YPEL1: variants seen among roughly 807,000 people sequenced by gnomAD.
The protein encoded by YPEL1 is protein yippee-like 1.
A neutral mutation model predicts 17.3 loss-of-function variants in YPEL1; 7 were observed. That is an observed-to-expected ratio of 0.40 (90% CI 0.23 to 0.76). The LOEUF is 0.76. Ranked by LOEUF, YPEL1 falls within the 30% of genes least tolerant of loss-of-function variation. YPEL1 has a pLI of 0.35. For synonymous variants in YPEL1, 59 were observed against 59.6 expected, an observed-to-expected ratio of 0.99 and a Z score of 0.05; for missense variants, 91 against 155.5, an observed-to-expected ratio of 0.59 and a Z score of 2.21.
chr22:21,710,997 A>C, intron 1 of YPEL1, 89 bp from the exon 2 acceptor site: 1 of 448,514 alleles, frequency 2.2e-6, no homozygotes, highest in Non-Finnish European at 4.1e-6. Context: ...GTGAAGCAAC[A>C]CGCGGGGTGG....
intron 1 of YPEL1, among the ~76,000 whole-genome samples, chr22:21,712,590 G>A (rs1271576812): frequency 6.6e-6 from 1 of 151,788 alleles, no homozygotes; most frequent in African/African-American, 2.4e-5. Flanking sequence ...GCCGGGCGTG[G>A]TGGCGGGTGC....
At chr22:21,717,342 C>T (rs1266040613) in intron 1 of YPEL1, among the ~76,000 whole-genome samples, 3 of 148,926 alleles carry the variant, frequency 2.0e-5, no homozygotes, top group South Asian at 2.1e-4. Flanking sequence ...CGCCACTGCA[C>T]TCCAGCCTTG....
At position 21,697,844 on chromosome 22, in the gene YPEL1, A is replaced by G. The variant is rs373768950; in HGVS notation, c.*3285T>C. 2.6e-5 allele frequency: 4 copies of G among 152,498 alleles called. No individual in the cohort carries two copies. Among genetic ancestry groups the G allele is most frequent in the Non-Finnish European group, 1.5e-5 (1 of 68,032 alleles). 9.4% of individuals were successfully genotyped at this position (152,498 alleles called of 1,614,324 possible). On this transcript the variant is annotated 3_prime_UTR_variant, in exon 5 of 5. Transcript: ENST00000339468. Reference sequence around the variant, plus strand: ...CTTAATTTGTAGTTTTTTAGCTATTAAAACCATTTGAATTTTTAACGACCT... The same window carrying G: ...CTTAATTTGTAGTTTTTTAGCTATTGAAACCATTTGAATTTTTAACGACCT...
In YPEL1 at chr22:21,724,406, G is replaced by A. The variant is rs977760498; in HGVS notation, c.-165+11209C>T. 3.3e-5 allele frequency among the ~76,000 whole-genome samples: 5 copies of A among 151,908 alleles called. No homozygotes were observed. The East Asian group carries it at 5.9e-4, about 18-fold the overall frequency. On this transcript the variant is annotated intron_variant, in intron 1 of 4. Coordinates refer to ENST00000339468, the MANE Select transcript of YPEL1 (RefSeq NM_013313.5). The stretch of plus-strand genomic sequence containing the variant: ...ACTAAAATTAGCCATGCGTGGTGGC[G>A]GGCACCTGCAATCCCAGCTACTCAG...
At chr22:21,716,042 G>A (rs1005357357) in intron 1 of YPEL1, among the ~76,000 whole-genome samples, 11 of 152,126 alleles carry the variant, frequency 7.2e-5, no homozygotes, top group East Asian at 1.9e-4. Flanking sequence ...GATTACAGGC[G>A]TGAGCCACTG....
chr22:21,702,229 G>T, intron 4 of YPEL1, among the ~76,000 whole-genome samples: 1 of 152,208 alleles, frequency 6.6e-6, no homozygotes, highest in Non-Finnish European at 1.5e-5. Flanking sequence ...AGCAGGAAGC[G>T]GGTGCAGCCA....
At chr22:21,712,367 T>TAAAAAAAAAA (rs34536579) in intron 1 of YPEL1, among the ~76,000 whole-genome samples, 1 of 130,584 alleles carries the variant, frequency 7.7e-6, no homozygotes, top group Admixed American at 7.9e-5. Flanking sequence ...TTGGAATATG[T>TAAAAAAAAAA]AAAAAAAAAA....
At chr22:21,711,619 G>A (rs185018849) in intron 1 of YPEL1, among the ~76,000 whole-genome samples, 1 of 152,272 alleles carries the variant, frequency 6.6e-6, no homozygotes, top group East Asian at 1.9e-4. Flanking sequence ...ACCATTCAAT[G>A]GGGAAAGGAC....
chr22:21,703,232 C>T lies in YPEL1; in HGVS notation c.270+138G>A, dbSNP rs1240463239. The T allele has an allele frequency of 1.4e-6, 1 of 732,334 alleles. No individual in the cohort carries two copies. Among genetic ancestry groups the T allele is most frequent in the Non-Finnish European group, 2.3e-6 (1 of 428,906 alleles). 45.4% of individuals were successfully genotyped at this position (732,334 alleles called of 1,614,324 possible). A position where few individuals can be genotyped will look rare whatever the true frequency, so the allele number is the denominator to read the frequency against. ...CCATGCCTCACTGGAGTCTGGACTT[C>T]CCACCTCGGCTGAGGAACTGGGGTT... On this transcript the variant is annotated intron_variant, in intron 4 of 4. Coordinates refer to ENST00000339468, the MANE Select transcript of YPEL1 (RefSeq NM_013313.5). This position sits in a 1 kb window ranked among gnomAD's most constrained non-coding sequence, Gnocchi z 6.1.
chr22:21,733,405 G>A (rs1235350527), intron 1 of YPEL1, among the ~76,000 whole-genome samples: 3 of 151,890 alleles, frequency 2.0e-5, no homozygotes, highest in South Asian at 2.1e-4. Context: ...GAGACAGAGC[G>A]AGACTCTGTC....
rs1371787184 is a variant in YPEL1, at chr22:21,710,760, C to G, written c.-16G>C. On this transcript the variant is annotated 5_prime_UTR_variant, in exon 2 of 5. Transcript: ENST00000339468. ...TTTTCACCATCTCTCCTGGGCACTCCTCACTCAGCTCAGGGCTGGTTCTGG... is the reference window on the plus strand; with the variant it reads ...TTTTCACCATCTCTCCTGGGCACTCGTCACTCAGCTCAGGGCTGGTTCTGG... 20 of 1,605,060 alleles carry G rather than the reference C, an allele frequency of 1.2e-5. No homozygotes were observed. Among genetic ancestry groups the G allele is most frequent in the Non-Finnish European group, 1.5e-5 (18 of 1,171,836 alleles).
intron 4 of YPEL1, among the ~76,000 whole-genome samples, chr22:21,701,614 G>T (rs1433100836): frequency 6.6e-6 from 1 of 152,232 alleles, no homozygotes; most frequent in Non-Finnish European, 1.5e-5. Context: ...GGGATTACTT[G>T]TAGGACAGTG....
chr22:21,710,962 C>T (rs11914240), intron 1 of YPEL1, 54 bp from the exon 2 acceptor site: 103,240 of 568,124 alleles, frequency 0.18, 10,381 homozygotes, highest in African/African-American at 0.23. Flanking sequence ...GCGTGTGAAG[C>T]AGGTACATAT....
At chr22:21,729,085 G>A (rs1020960630) in intron 1 of YPEL1, among the ~76,000 whole-genome samples, 7 of 150,814 alleles carry the variant, frequency 4.6e-5, no homozygotes, top group Non-Finnish European at 1.5e-5. Context: ...AGAGATTGCA[G>A]TTAGCTGAGA....
At chr22:21,718,324 G>A (rs544218910) in intron 1 of YPEL1, among the ~76,000 whole-genome samples, 2 of 151,872 alleles carry the variant, frequency 1.3e-5, no homozygotes, top group East Asian at 3.9e-4. Context: ...AATTAGTGGG[G>A]CGTGGTGGTG....
At chr22:21,712,382 A>C (rs566644846) in intron 1 of YPEL1, among the ~76,000 whole-genome samples, 1,748 of 151,108 alleles carry the variant, frequency 0.012, 34 homozygotes, top group African/African-American at 0.041. Flanking sequence ...AAAAAAAAAA[A>C]AAACAACTAC....
chr22:21,709,398 T>C (rs531848151), intron 2 of YPEL1, among the ~76,000 whole-genome samples: 48 of 152,314 alleles, frequency 3.2e-4, no homozygotes, highest in African/African-American at 1.2e-3. Context: ...TCTCAGATGA[T>C]GAACAGAAAT....
intron 1 of YPEL1, among the ~76,000 whole-genome samples, chr22:21,726,595 C>T (rs532342667): frequency 6.6e-6 from 1 of 152,158 alleles, no homozygotes; most frequent in Non-Finnish European, 1.5e-5. Context: ...CAGGAGGAAG[C>T]GGTGCGTCCC....
chr22:21,717,897 C>A (rs192138496), intron 1 of YPEL1, among the ~76,000 whole-genome samples: 2 of 152,144 alleles, frequency 1.3e-5, no homozygotes, highest in African/African-American at 4.8e-5. Context: ...GAGGCCAAGG[C>A]AGGAGGATTG....
Sources: allele counts gnomAD v4.1 joint callset (sites outside exome capture counted in the v4.1 genomes callset), GRCh38; gene constraint gnomAD v4.1.1; non-coding constraint Gnocchi (gnomAD v3.1); transcripts MANE v1.5; gene names NCBI Gene and HGNC (gene_info 2026-07-23, HGNC 2026-07-21).